Variants in ETS1 observed in about 807,000 individuals in gnomAD.
The protein encoded by ETS1 is ETS proto-oncogene 1, transcription factor.
ETS1 carries 15 observed loss-of-function variants against 58.6 expected under a neutral mutation model. That is an observed-to-expected ratio of 0.26 (90% CI 0.17 to 0.39). The LOEUF is 0.39. ETS1 is among the 10% of genes least tolerant of loss of function. The pLI is 1.00. For synonymous variants in ETS1, 214 were observed against 218.2 expected (o/e 0.98, Z 0.17); for missense variants, 417 against 610.5 (o/e 0.68, Z 3.34).
At chr11:128,567,802 T>C (rs1440638180) in intron 2 of ETS1, among the ~76,000 whole-genome samples, 1 of 152,060 alleles carries the variant, frequency 6.6e-6, no homozygotes, top group African/African-American at 2.4e-5. Flanking sequence ...CCGGCTAATT[T>C]TTTGTATTTT....
chr11:128,522,346 C>T, intron 3 of ETS1: 2 of 1,017,548 alleles, frequency 2.0e-6, no homozygotes, highest in Non-Finnish European at 2.4e-6. Context: ...CTCCCGCGCT[C>T]TCCCCTCCTC....
chr11:128,489,793 T>C (rs574462453), intron 4 of ETS1, among the ~76,000 whole-genome samples: 1 of 152,332 alleles, frequency 6.6e-6, no homozygotes, highest in East Asian at 1.9e-4. Flanking sequence ...CTCACTGCCT[T>C]ATTCCCATTG....
chr11:128,501,308 C>T (rs1863084051), intron 3 of ETS1, among the ~76,000 whole-genome samples: 1 of 152,198 alleles, frequency 6.6e-6, no homozygotes, highest in African/African-American at 2.4e-5. Context: ...ACTCCATAAG[C>T]TTTGACTGGT....
Position 128,493,922 on chromosome 11 carries a change from A to C in ETS1, c.215-3346T>G, listed in dbSNP as rs917771648. On this transcript the variant is annotated intron_variant, in intron 3 of 9. Transcript: ENST00000392668. ...AGTTCTGTTCAATATACTCATCAAA[A>C]ACAATGACAAAATCATTACACGGGT... Among the ~76,000 whole-genome samples the C allele has an allele frequency of 2.6e-5, 4 of 152,348 alleles. No homozygotes were observed. The South Asian group carries it at 8.3e-4, about 32-fold the overall frequency.
intron 1 of ETS1, 40 bp from the exon 2 acceptor site, chr11:128,573,184 A>C: frequency 9.0e-5 from 129 of 1,439,774 alleles, no homozygotes; most frequent in Non-Finnish European, 1.1e-4. Flanking sequence ...CTGGATGCTC[A>C]CAGGTTTGTG....
chr11:128,578,540 G>A (rs372592766), intron 1 of ETS1, among the ~76,000 whole-genome samples: 12 of 151,866 alleles, frequency 7.9e-5, no homozygotes, highest in African/African-American at 2.2e-4. Flanking sequence ...CAATGTTACC[G>A]CAAAAATTAA....
At chr11:128,522,029 A>T in intron 3 of ETS1, 1 of 1,553,688 alleles carries the variant, frequency 6.4e-7, no homozygotes, top group Non-Finnish European at 8.7e-7. Flanking sequence ...GGATGGTAGC[A>T]AGTTTGCAGT....
At chr11:128,519,075 T>C (rs181730442) in intron 3 of ETS1, among the ~76,000 whole-genome samples, 48 of 152,338 alleles carry the variant, frequency 3.2e-4, no homozygotes, top group African/African-American at 1.2e-3. Context: ...TATTTGTTTT[T>C]AAGCTATTTA....
chr11:128,485,703 A>G (rs895966154), intron 6 of ETS1, among the ~76,000 whole-genome samples: 10 of 152,174 alleles, frequency 6.6e-5, no homozygotes, highest in African/African-American at 2.4e-4. Context: ...TCCACTAGTA[A>G]AAAGGAAAGA....
intron 2 of ETS1, among the ~76,000 whole-genome samples, chr11:128,564,651 A>T (rs958642185): frequency 3.3e-4 from 50 of 151,940 alleles, no homozygotes; most frequent in African/African-American, 1.2e-3. Flanking sequence ...TGCAGTTGAC[A>T]CTCTCTTGCT....
At chr11:128,497,324 G>A (rs1370825787) in intron 3 of ETS1, among the ~76,000 whole-genome samples, 1 of 152,202 alleles carries the variant, frequency 6.6e-6, no homozygotes, top group Non-Finnish European at 1.5e-5. Flanking sequence ...CCTCTCCCCA[G>A]AGGGAAGCTG....
chr11:128,547,260 T>C (rs1322973818), intron 3 of ETS1, among the ~76,000 whole-genome samples: 1 of 152,248 alleles, frequency 6.6e-6, no homozygotes, highest in African/African-American at 2.4e-5. Context: ...GGTACAAATG[T>C]ACCTTTCCCT....
chr11:128,468,166 G>T (rs1418355612), intron 8 of ETS1, among the ~76,000 whole-genome samples: 1 of 152,112 alleles, frequency 6.6e-6, no homozygotes. Flanking sequence ...CCCCTAAGGG[G>T]ACCCCCAAGG....
chr11:128,484,877 T>C lies in ETS1; in HGVS notation c.808A>G (p.Ile270Val), dbSNP rs575765833. 3.2e-5 allele frequency: 52 copies of C among 1,613,928 alleles called. 2 individuals carry two copies. In the South Asian group the frequency reaches 4.7e-4, roughly 15 times the overall value. The change falls in exon 7 of 10, where the codon ATC becomes GTC. Residue 270 changes from isoleucine to valine, a missense_variant. Ile to Val is a conservative substitution (Grantham distance 29). Transcript: ENST00000392668. ...TDTLQNDYFA[I>V]KQEVVTPDNM... Reference sequence around the variant, plus strand: ...TCTGGGGTGACGACTTCTTGTTTGATAGCAAAGTAGTCATTCTGCAAGGTG... The same window carrying C: ...TCTGGGGTGACGACTTCTTGTTTGACAGCAAAGTAGTCATTCTGCAAGGTG...
At position 128,464,320 on chromosome 11, in the gene ETS1, A is replaced by G. The variant is rs1009438091; in HGVS notation, c.1124-693T>C. On this transcript the variant is annotated intron_variant, in intron 8 of 9. Coordinates refer to ENST00000392668, the MANE Select transcript of ETS1 (RefSeq NM_001143820.2). The surrounding 1 kb of genome is among the most constrained non-coding windows in gnomAD (Gnocchi z 4.1). ...CCTCAGGGGTCAGATGAGGACTGTC[A>G]GAAATTCTGCATAGGTTCAGTATAT... 2.0e-5 allele frequency among the ~76,000 whole-genome samples: 3 copies of G among 151,420 alleles called. No individual in the cohort carries two copies. The highest frequency in any genetic ancestry group is 2.0e-4 in the Admixed American group (3 of 15,224).
At chr11:128,526,007 C>T (rs894020737) in intron 3 of ETS1, 1 of 152,244 alleles carries the variant, frequency 6.6e-6, no homozygotes, top group Non-Finnish European at 1.5e-5. Context: ...ACCAAAGCCA[C>T]TTAACCTTTT....
chr11:128,468,147 G>T (rs1169652807), intron 8 of ETS1, among the ~76,000 whole-genome samples: 2 of 152,130 alleles, frequency 1.3e-5, no homozygotes, highest in Non-Finnish European at 2.9e-5. Flanking sequence ...TCACACCAAG[G>T]ATGTTCACCC....
At chr11:128,522,259 C>T in intron 3 of ETS1, 6 of 1,160,074 alleles carry the variant, frequency 5.2e-6, no homozygotes, top group South Asian at 2.9e-5. Flanking sequence ...CTGCCCGGCC[C>T]TCGCCCGCTC....
chr11:128,569,318 C>CTTTTTTCTTTTTTTTTTTTT (rs1864575323), intron 2 of ETS1, among the ~76,000 whole-genome samples: 1 of 39,462 alleles, frequency 2.5e-5, no homozygotes, highest in Non-Finnish European at 4.5e-5. Flanking sequence ...AGAGTTTCTT[C>CTTTTTTCTTTTTTTTTTTTT]TTTTTTTTTT....
Sources: allele counts gnomAD v4.1 joint callset (sites outside exome capture counted in the v4.1 genomes callset), GRCh38; gene constraint gnomAD v4.1.1; non-coding constraint Gnocchi (gnomAD v3.1); transcripts MANE v1.5; gene names NCBI Gene and HGNC (gene_info 2026-07-23, HGNC 2026-07-21).